SH3PXD2B: variants seen among roughly 807,000 people sequenced by gnomAD.
The protein encoded by SH3PXD2B is SH3 and PX domains 2B.
A neutral mutation model predicts 73.1 loss-of-function variants in SH3PXD2B; 37 were observed. That is an observed-to-expected ratio of 0.51 (90% CI 0.39 to 0.67). The LOEUF is 0.67. SH3PXD2B is among the 30% of genes least tolerant of loss of function. SH3PXD2B has a pLI of 0.00. For synonymous variants in SH3PXD2B, 457 were observed against 480.5 expected, an observed-to-expected ratio of 0.95 and a Z score of 0.64; for missense variants, 1,053 against 1,197.8, an observed-to-expected ratio of 0.88 and a Z score of 1.78.
intron 1 of SH3PXD2B, among the ~76,000 whole-genome samples, chr5:172,438,426 G>A (rs897281552): frequency 9.2e-5 from 14 of 152,174 alleles, no homozygotes; most frequent in Non-Finnish European, 1.6e-4. Flanking sequence ...AGTGCCTGGC[G>A]ACAATGAGCT....
intron 5 of SH3PXD2B, among the ~76,000 whole-genome samples, 173 bp from the exon 6 acceptor site, chr5:172,373,988 C>A (rs1178064236): frequency 6.6e-6 from 1 of 152,212 alleles, no homozygotes; most frequent in Non-Finnish European, 1.5e-5. Context: ...GAAAGAACTT[C>A]TCTTAATTTT....
Position 172,338,624 on chromosome 5 carries a change from C to T in SH3PXD2B, c.2481G>A (p.Trp827Ter). 6.2e-7 allele frequency: 1 copy of T among 1,614,156 alleles called. No individual in the cohort carries two copies. Among genetic ancestry groups the T allele is most frequent in the Non-Finnish European group, 8.5e-7 (1 of 1,180,006 alleles). The change falls in exon 13 of 13, where the codon TGG becomes TGA. Residue 827 changes from tryptophan (W) to a stop codon, truncating the protein, a stop_gained. Coordinates refer to ENST00000311601, the MANE Select transcript of SH3PXD2B (RefSeq NM_001017995.3). LOFTEE classifies it high-confidence loss of function. This position sits in a 1 kb window ranked among gnomAD's most constrained non-coding sequence, Gnocchi z 5.1. Reference protein sequence around the residue: ...DTRGKGSLGPWGTGKIGENRE... With the variant: ...DTRGKGSLGP Reference sequence around the variant, plus strand: ...TGTTTTCTCCAATCTTGCCGGTCCCCCATGGCCCCAGGCTGCCTTTGCCTC... The same window carrying T: ...TGTTTTCTCCAATCTTGCCGGTCCCTCATGGCCCCAGGCTGCCTTTGCCTC...
intron 1 of SH3PXD2B, among the ~76,000 whole-genome samples, chr5:172,440,683 G>A (rs532944265): frequency 3.3e-4 from 51 of 152,278 alleles, no homozygotes; most frequent in East Asian, 1.5e-3. Context: ...ACCAGGTCCC[G>A]GGCCGAGGCG....
At chr5:172,359,224 G>A (rs796912984) in intron 7 of SH3PXD2B, among the ~76,000 whole-genome samples, 76 of 151,594 alleles carry the variant, frequency 5.0e-4, no homozygotes, top group African/African-American at 1.6e-3. Context: ...CTGTCTGTAC[G>A]AAAAATTTAA....
exon 13 of SH3PXD2B, chr5:172,325,269 G>T: frequency 6.5e-7 from 1 of 1,529,706 alleles, no homozygotes; most frequent in Non-Finnish European, 8.8e-7. Context: ...AGGACATGAC[G>T]TGGTTCTCAC....
intron 1 of SH3PXD2B, among the ~76,000 whole-genome samples, chr5:172,425,726 G>C (rs548142789): frequency 7.2e-5 from 11 of 151,950 alleles, no homozygotes; most frequent in Non-Finnish European, 2.9e-5. Flanking sequence ...GGAGGCGTGC[G>C]ACAGGATCCA....
intron 1 of SH3PXD2B, among the ~76,000 whole-genome samples, chr5:172,427,805 T>C (rs1336111983): frequency 1.3e-5 from 2 of 148,208 alleles, no homozygotes; most frequent in African/African-American, 2.5e-5. Flanking sequence ...TGAGATGGAG[T>C]CTTGCCCTAT....
In SH3PXD2B at chr5:172,451,818, A is replaced by T. The variant is rs546121271; in HGVS notation, c.75+2460T>A. On this transcript the variant is annotated intron_variant, in intron 1 of 12. Transcript: ENST00000311601. The stretch of plus-strand genomic sequence containing the variant: ...ACAGCAGCGGTCGCCCACCACAGGG[A>T]TCTGTTTCCATTGGGTTTGGCCCCC... Among the ~76,000 whole-genome samples the T allele has an allele frequency of 3.3e-5, 5 of 152,270 alleles. No individual in the cohort carries two copies. The South Asian group carries it at 1.0e-3, about 32-fold the overall frequency.
intron 1 of SH3PXD2B, among the ~76,000 whole-genome samples, chr5:172,422,998 AAC>A (rs1367534818): frequency 2.6e-5 from 4 of 152,182 alleles, no homozygotes; most frequent in Admixed American, 6.5e-5. Flanking sequence ...GAATGGGGCT[AAC>A]AGCACCTGCT....
intron 1 of SH3PXD2B, among the ~76,000 whole-genome samples, chr5:172,439,249 AAG>A (rs1561583275): frequency 7.8e-5 from 7 of 89,624 alleles, no homozygotes; most frequent in East Asian, 2.4e-4. Context: ...AAAAAAAAAA[AAG>A]AAAAAAAAAA....
intron 1 of SH3PXD2B, among the ~76,000 whole-genome samples, chr5:172,440,527 C>T (rs1034096579): frequency 1.3e-5 from 2 of 152,190 alleles, no homozygotes; most frequent in Non-Finnish European, 2.9e-5. Flanking sequence ...ACATGTCATC[C>T]TCTCACCTTT....
In SH3PXD2B at chr5:172,454,348, G is replaced by T. The variant is rs1310261871; in HGVS notation, c.5C>A (p.Pro2Gln). 5 of 1,520,670 alleles carry T rather than the reference G, an allele frequency of 3.3e-6. No homozygotes were observed. Among genetic ancestry groups the T allele is most frequent in the Admixed American group, 2.0e-5 (1 of 50,784 alleles). 94.2% of individuals were successfully genotyped at this position (1,520,670 alleles called of 1,614,324 possible). A position where few individuals can be genotyped will look rare whatever the true frequency, so the allele number is the denominator to read the frequency against. ...CACCTCCACGATGCTGCGCCGCGGC[G>T]GCATGGCCGCTCCTCCGCCCGCAGC... Reference protein sequence around the residue: MPPRRSIVEVKV... With the variant: MQPRRSIVEVKV... Residue 2 changes from proline (P) to glutamine (Q), a missense_variant, in exon 1 of 13, where the codon CCG becomes CAG. Pro to Gln is a moderately conservative substitution (Grantham distance 76, BLOSUM62 -1). Around this residue, in one of 2 missense-constraint regions of SH3PXD2B, gnomAD observed 466 missense variants for 607.1 expected, o/e 0.77. Coordinates refer to ENST00000311601, the MANE Select transcript of SH3PXD2B (RefSeq NM_001017995.3).
Position 172,406,281 on chromosome 5 carries a change from C to A in SH3PXD2B, c.228G>T (p.Leu76=). The A allele has an allele frequency of 6.2e-7, 1 of 1,613,994 alleles. No individual in the cohort carries two copies. Among genetic ancestry groups the A allele is most frequent in the Non-Finnish European group, 8.5e-7 (1 of 1,179,954 alleles). ...GAGAGCACCCATCTCACCTACCTGG[C>A]AGAAAGGGGATGATCCGCTGCTTGG... ...KDPKQRIIPF[L]PGKILFRRSH... Residue 76 remains leucine (L), a synonymous_variant, in exon 3 of 13, where the codon CTG becomes CTT. Coordinates refer to ENST00000311601, the MANE Select transcript of SH3PXD2B (RefSeq NM_001017995.3).
chr5:172,443,186 TAAG>T (rs1395345617), intron 1 of SH3PXD2B, among the ~76,000 whole-genome samples: 1 of 152,154 alleles, frequency 6.6e-6, no homozygotes, highest in Non-Finnish European at 1.5e-5. Flanking sequence ...TTGGAAATAG[TAAG>T]GAGTATAGAT....
intron 5 of SH3PXD2B, among the ~76,000 whole-genome samples, chr5:172,381,201 C>G (rs368491449): frequency 6.6e-6 from 1 of 152,184 alleles, no homozygotes; most frequent in Non-Finnish European, 1.5e-5. Flanking sequence ...GCGAACGCAG[C>G]GCCAAGAGCA....
chr5:172,325,881 G>A lies in SH3PXD2B; in HGVS notation c.1189-501C>T, dbSNP rs10053472. Among the ~76,000 whole-genome samples, 1,099 of 152,302 alleles carry A rather than the reference G, an allele frequency of 7.2e-3. 16 individuals carry two copies. Among genetic ancestry groups the A allele is most frequent in the African/African-American group, 0.024 (1,017 of 41,568 alleles). ...CCGCTCACCGCAACCTCCGCCTCCCGGTTTCAAGCGATTCTCCTGCCTCAG... is the reference window on the plus strand; with the variant it reads ...CCGCTCACCGCAACCTCCGCCTCCCAGTTTCAAGCGATTCTCCTGCCTCAG... On this transcript the variant is annotated intron_variant, in intron 12 of 12. Coordinates refer to the SH3PXD2B transcript ENST00000519643.
Position 172,346,268 on chromosome 5 carries a change from C to A in SH3PXD2B, c.1063-7G>T, listed in dbSNP as rs186443822. The A allele has an allele frequency of 1.1e-3, 1,845 of 1,613,488 alleles. 6 individuals are homozygous for A. The highest frequency in any genetic ancestry group is 2.0e-3 in the Middle Eastern group (12 of 6,062). On this transcript the variant is annotated splice_polypyrimidine_tract_variant and splice_region_variant and intron_variant, in intron 11 of 12. Transcript: ENST00000311601. Reference sequence around the variant, plus strand: ...GCAGGTTGAGGCCTCGAGGCTGGTACGATCACACACAGGGTTATCTCCAAG... The same window carrying A: ...GCAGGTTGAGGCCTCGAGGCTGGTAAGATCACACACAGGGTTATCTCCAAG...
intron 9 of SH3PXD2B, among the ~76,000 whole-genome samples, chr5:172,351,946 G>A (rs535168680): frequency 6.6e-6 from 1 of 152,226 alleles, no homozygotes; most frequent in South Asian, 2.1e-4. Context: ...ATTGTTTGGG[G>A]ACACAGAGCC....
rs373288496 is a variant in SH3PXD2B at position 172,381,137 on chromosome 5, C to T, written c.401+899G>A. Among the ~76,000 whole-genome samples the T allele has an allele frequency of 2.6e-4, 40 of 152,366 alleles. No homozygotes were observed. The East Asian group carries it at 6.7e-3, about 26-fold the overall frequency. On this transcript the variant is annotated intron_variant, in intron 5 of 12. Coordinates refer to ENST00000311601, the MANE Select transcript of SH3PXD2B (RefSeq NM_001017995.3). ...ACAGTGCTTGGCACACTGCCCGCCA[C>T]GCTGGCTGCTCAGCAAACTCAGCCT...
Sources: allele counts gnomAD v4.1 joint callset (sites outside exome capture counted in the v4.1 genomes callset), GRCh38; gene constraint gnomAD v4.1.1; regional missense constraint gnomAD v4.1.1; non-coding constraint Gnocchi (gnomAD v3.1); transcripts MANE v1.5; gene names NCBI Gene and HGNC (gene_info 2026-07-23, HGNC 2026-07-21).